Variants in KIDINS220 observed in about 807,000 individuals in gnomAD.
KIDINS220 encodes the protein kinase D-interacting substrate of 220 kDa.
In KIDINS220, 63 loss-of-function variants were observed where a neutral mutation model predicts 157.6. The observed-to-expected ratio is 0.40, with a 90% CI of 0.33 to 0.49. KIDINS220 has a LOEUF of 0.49. Among genes scored for constraint, KIDINS220 ranks in the 20% least tolerant of loss-of-function variants. KIDINS220 has a pLI of 0.66. For missense variants in KIDINS220, 1,772 were observed against 2,171.2 expected (o/e 0.82, Z 3.65); for synonymous variants, 732 against 783.6 (o/e 0.93, Z 1.10).
rs769837969 is a variant in KIDINS220 at position 8,730,839 on chromosome 2, T to C, written c.5197A>G (p.Thr1733Ala). The change falls in exon 30 of 30, where the codon ACA (threonine) becomes GCA (alanine). Residue 1733 changes from threonine to alanine, a missense_variant. Thr to Ala is a moderately conservative substitution (Grantham distance 58). Transcript: ENST00000256707. ...TIQNENLKSM[T>A]HKRSQRSSYT... is the part of the protein sequence containing the mutation. ...CTTGAACGTTGGCTTCGCTTATGTG[T>C]CATGCTTTTTAGATTCTCATTCTGA... The C allele has an allele frequency of 2.9e-5, 47 of 1,614,120 alleles. No homozygotes were observed. The highest frequency in any genetic ancestry group is 1.6e-4 in the Middle Eastern group (1 of 6,084).
rs932999088 is a variant in KIDINS220 at position 8,728,953 on chromosome 2, C to A, written c.*1767G>T. ...ATAGCATGCAATTTTTTATTGTTTT[C>A]TAAATCTATTTGTACACTTAATATG... On this transcript the variant is annotated 3_prime_UTR_variant, in exon 30 of 30. Coordinates refer to ENST00000256707, the MANE Select transcript of KIDINS220 (RefSeq NM_020738.4). 1.0e-6 allele frequency: 1 copy of A among 978,198 alleles called. No individual in the cohort carries two copies. The highest frequency in any genetic ancestry group is 1.2e-6 in the Non-Finnish European group (1 of 823,080). 60.6% of individuals were successfully genotyped at this position (978,198 alleles called of 1,614,324 possible).
chr2:8,757,814 T>C (rs1230169843), intron 22 of KIDINS220: 3 of 1,535,238 alleles, frequency 2.0e-6, no homozygotes, highest in Non-Finnish European at 2.7e-6. Flanking sequence ...ACATCTTCAG[T>C]ATGGCTCTGT....
At chr2:8,807,139 C>A (rs1049278758) in intron 6 of KIDINS220, among the ~76,000 whole-genome samples, 1 of 152,104 alleles carries the variant, frequency 6.6e-6, no homozygotes, top group African/African-American at 2.4e-5. Flanking sequence ...GACACTGAGG[C>A]CCTAAGAGGT....
chr2:8,796,804 T>G lies in KIDINS220; in HGVS notation c.1065A>C (p.Leu355=). Residue 355 remains leucine, a synonymous_variant, in exon 11 of 30, where the codon CTA becomes CTC. Coordinates refer to ENST00000256707, the MANE Select transcript of KIDINS220 (RefSeq NM_020738.4). ...CAGCAGACACTTTAGCACCTTTATC[T>G]AGCAGCAGCTCCACCACTTCAATGT... is the stretch of plus-strand genomic sequence containing the variant. ...MRNIEVVELL[L]DKGAKVSAVD... 6.2e-7 allele frequency: 1 copy of G among 1,614,202 alleles called. No homozygotes were observed. Among genetic ancestry groups the G allele is most frequent in the Non-Finnish European group, 8.5e-7 (1 of 1,180,008 alleles).
At chr2:8,832,094 G>A (rs1679722546) in intron 1 of KIDINS220, among the ~76,000 whole-genome samples, 1 of 152,168 alleles carries the variant, frequency 6.6e-6, no homozygotes, top group Admixed American at 6.5e-5. Context: ...CCGAGACTGA[G>A]CAAAGCTTTG....
chr2:8,802,495 A>G (rs774336549), intron 8 of KIDINS220, among the ~76,000 whole-genome samples: 1 of 152,240 alleles, frequency 6.6e-6, no homozygotes, highest in Non-Finnish European at 1.5e-5. Flanking sequence ...CAAGAGGCTG[A>G]ATGATGGTAC....
intron 10 of KIDINS220, among the ~76,000 whole-genome samples, chr2:8,797,756 G>A (rs1674167931): frequency 6.6e-6 from 1 of 152,162 alleles, no homozygotes; most frequent in Non-Finnish European, 1.5e-5. Context: ...TACACAATTT[G>A]AGTAAAACAG....
At chr2:8,799,994 AAAC>A (rs978945022) in intron 9 of KIDINS220, among the ~76,000 whole-genome samples, 20 of 152,216 alleles carry the variant, frequency 1.3e-4, no homozygotes, top group Non-Finnish European at 2.4e-4. Context: ...GAAGAAAATA[AAAC>A]AACAACAGTA....
chr2:8,751,339 C>A, intron 23 of KIDINS220, 127 bp downstream of exon 23: 23 of 496,896 alleles, frequency 4.6e-5, no homozygotes, highest in Admixed American at 8.7e-5. Flanking sequence ...ATGAATTTTT[C>A]TGTGTAGTGC....
chr2:8,804,578 A>G (rs548019208), intron 7 of KIDINS220, among the ~76,000 whole-genome samples: 2 of 152,300 alleles, frequency 1.3e-5, no homozygotes, highest in East Asian at 3.9e-4. Context: ...AAATCTGTTC[A>G]TTGAAGAGGG....
intron 1 of KIDINS220, among the ~76,000 whole-genome samples, chr2:8,831,635 C>T (rs950546773): frequency 2.6e-5 from 4 of 152,132 alleles, no homozygotes; most frequent in Admixed American, 6.5e-5. Flanking sequence ...CTCTCCTCTC[C>T]ATTTTACTCA....
chr2:8,770,101 T>C (rs1465699465), intron 22 of KIDINS220, among the ~76,000 whole-genome samples: 3 of 152,178 alleles, frequency 2.0e-5, no homozygotes, highest in Admixed American at 2.0e-4. Flanking sequence ...ATCTTAGAAG[T>C]GTATATAAAC....
chr2:8,805,922 G>A (rs1249374693), intron 7 of KIDINS220, among the ~76,000 whole-genome samples: 1 of 152,138 alleles, frequency 6.6e-6, no homozygotes, highest in Non-Finnish European at 1.5e-5. Flanking sequence ...ACTCTATGAT[G>A]TTCCCACAAT....
intron 26 of KIDINS220, among the ~76,000 whole-genome samples, chr2:8,739,256 TGTTA>T (rs1665303394): frequency 6.6e-6 from 1 of 152,214 alleles, no homozygotes; most frequent in Non-Finnish European, 1.5e-5. Flanking sequence ...AGAATATATA[TGTTA>T]CCTCTGAATT....
downstream of KIDINS220, chr2:8,723,846 G>A (rs1010737556): frequency 2.0e-5 from 3 of 152,172 alleles, no homozygotes; most frequent in African/African-American, 7.2e-5. Flanking sequence ...AAGTACAAGA[G>A]GATTAAATAA....
intron 1 of KIDINS220, among the ~76,000 whole-genome samples, chr2:8,829,771 A>G (rs1679339739): frequency 6.6e-6 from 1 of 152,080 alleles, no homozygotes; most frequent in African/African-American, 2.4e-5. Flanking sequence ...TATCTCCTAC[A>G]TGTTCTGGAA....
At chr2:8,759,607 G>A (rs1313196490) in intron 22 of KIDINS220, among the ~76,000 whole-genome samples, 1 of 149,602 alleles carries the variant, frequency 6.7e-6, no homozygotes, top group Non-Finnish European at 1.5e-5. Flanking sequence ...AACAACCAGG[G>A]AGGGTAAAAG....
intron 23 of KIDINS220, among the ~76,000 whole-genome samples, chr2:8,750,738 AT>A (rs1278357662): frequency 6.6e-6 from 1 of 152,234 alleles, no homozygotes; most frequent in Non-Finnish European, 1.5e-5. Context: ...TTTGCAAATT[AT>A]GAGACTCATC....
At chr2:8,745,244 C>T (rs190986964) in intron 26 of KIDINS220, among the ~76,000 whole-genome samples, 39 of 152,282 alleles carry the variant, frequency 2.6e-4, no homozygotes, top group African/African-American at 7.5e-4. Flanking sequence ...AATTGAATTG[C>T]ATGCAATAAT....
Sources: allele counts gnomAD v4.1 joint callset (sites outside exome capture counted in the v4.1 genomes callset), GRCh38; gene constraint gnomAD v4.1.1; transcripts MANE v1.5; gene names NCBI Gene and HGNC (gene_info 2026-07-23, HGNC 2026-07-21).